LAMC1: variants seen among roughly 807,000 people sequenced by gnomAD.
LAMC1 encodes the protein laminin subunit gamma-1.
Under a neutral mutation model 173.6 loss-of-function variants are expected in LAMC1, and 38 were observed. That is an observed-to-expected ratio of 0.22 (90% CI 0.17 to 0.29). LAMC1 has a LOEUF of 0.29. LAMC1 is among the 10% of genes least tolerant of loss of function. The pLI, the probability that LAMC1 is intolerant of heterozygous loss-of-function variation, is 1.00. For missense variants in LAMC1, 1,824 were observed against 2,051.8 expected, an observed-to-expected ratio of 0.89 and a Z score of 2.14; for synonymous variants, 746 against 749.1, an observed-to-expected ratio of 1.00 and a Z score of 0.07.
chr1:183,042,630 A>G (rs1415455366), intron 1 of LAMC1, among the ~76,000 whole-genome samples: 7 of 152,062 alleles, frequency 4.6e-5, no homozygotes, highest in African/African-American at 7.2e-5. Flanking sequence ...AGTTGTAGGG[A>G]GTGGATATAG....
intron 4 of LAMC1, among the ~76,000 whole-genome samples, chr1:183,112,641 G>A (rs988810572): frequency 6.6e-6 from 1 of 152,150 alleles, no homozygotes; most frequent in Non-Finnish European, 1.5e-5. Flanking sequence ...GGTTGGGACA[G>A]TGTGGACAGT....
chr1:183,080,685 A>G (rs1308150616), intron 1 of LAMC1, among the ~76,000 whole-genome samples: 2 of 151,852 alleles, frequency 1.3e-5, no homozygotes, highest in Non-Finnish European at 2.9e-5. Context: ...TTAAATCTCA[A>G]CCATTATAGT....
At chr1:183,074,447 T>C (rs1356205314) in intron 1 of LAMC1, among the ~76,000 whole-genome samples, 1 of 152,302 alleles carries the variant, frequency 6.6e-6, no homozygotes, top group East Asian at 1.9e-4. Context: ...AGCCACTTAG[T>C]AGTGGTTTAC....
intron 1 of LAMC1, among the ~76,000 whole-genome samples, chr1:183,076,755 GTC>G (rs1655128546): frequency 6.6e-6 from 1 of 152,196 alleles, no homozygotes; most frequent in Non-Finnish European, 1.5e-5. Flanking sequence ...TGGATATACT[GTC>G]TAATGTTGTA....
intron 15 of LAMC1, 36 bp downstream of exon 15, chr1:183,125,586 G>T: frequency 6.9e-7 from 1 of 1,457,968 alleles, no homozygotes; most frequent in Non-Finnish European, 9.2e-7. Context: ...AGTAATCTTT[G>T]CTTTTTCTGT....
intron 1 of LAMC1, among the ~76,000 whole-genome samples, chr1:183,084,832 T>G (rs1009760682): frequency 6.6e-6 from 1 of 152,222 alleles, no homozygotes. Context: ...AATTCATTTA[T>G]GAAAACGTCA....
chr1:183,075,629 A>G (rs1655105894), intron 1 of LAMC1, among the ~76,000 whole-genome samples: 1 of 152,208 alleles, frequency 6.6e-6, no homozygotes, highest in Non-Finnish European at 1.5e-5. Flanking sequence ...GGATGTGGCA[A>G]AACTAAATAT....
At chr1:183,137,944 G>A in intron 26 of LAMC1, 117 bp downstream of exon 26, 1 of 953,272 alleles carries the variant, frequency 1.0e-6, no homozygotes, top group Non-Finnish European at 1.5e-6. Flanking sequence ...TCATCACATT[G>A]TCTCGTCAAG....
At chr1:183,060,275 A>G (rs1654708850) in intron 1 of LAMC1, among the ~76,000 whole-genome samples, 1 of 151,660 alleles carries the variant, frequency 6.6e-6, no homozygotes, top group Admixed American at 6.6e-5. Flanking sequence ...TTTTCATCTT[A>G]AGTAGTATGG....
At position 183,115,526 on chromosome 1, in the gene LAMC1, T is replaced by C; in HGVS notation, c.1217T>C (p.Leu406Pro). 6.2e-7 allele frequency: 1 copy of C among 1,612,572 alleles called. No individual in the cohort carries two copies. ...TAGGCATTTTACATTTTAGGCTCTC[T>C]AAGCACACAGTGTGATAGTTACGGC... is the stretch of plus-strand genomic sequence containing the variant. Reference protein sequence around the residue: ...SSCHCSPVGSLSTQCDSYGRC... With the variant: ...SSCHCSPVGSPSTQCDSYGRC... The change falls in exon 6 of 28, where the codon CTA (leucine) becomes CCA (proline). Residue 406 changes from leucine to proline, a missense_variant. Transcript: ENST00000258341.
At chr1:183,090,965 T>C (rs1057436162) in intron 1 of LAMC1, among the ~76,000 whole-genome samples, 5 of 152,230 alleles carry the variant, frequency 3.3e-5, no homozygotes, top group African/African-American at 1.2e-4. Context: ...TTTTTTGAAA[T>C]GCATCAAAAT....
chr1:183,060,712 C>A (rs1571415252), intron 1 of LAMC1, among the ~76,000 whole-genome samples: 1 of 152,210 alleles, frequency 6.6e-6, no homozygotes, highest in South Asian at 2.1e-4. Context: ...ATGCCAGACA[C>A]ACAGTAGGCA....
intron 25 of LAMC1, among the ~76,000 whole-genome samples, chr1:183,137,166 C>T (rs1426593580): frequency 6.6e-6 from 1 of 152,120 alleles, no homozygotes; most frequent in Non-Finnish European, 1.5e-5. Context: ...TCAGAGAAAC[C>T]TCTTAGTTTC....
At chr1:183,119,836 T>C (rs541552903) in intron 11 of LAMC1, among the ~76,000 whole-genome samples, 1 of 152,278 alleles carries the variant, frequency 6.6e-6, no homozygotes, top group East Asian at 1.9e-4. Flanking sequence ...GGGTTTTGGA[T>C]TGGTGATTCC....
chr1:183,059,257 C>T (rs1654681411), intron 1 of LAMC1, among the ~76,000 whole-genome samples: 1 of 152,170 alleles, frequency 6.6e-6, no homozygotes, highest in Non-Finnish European at 1.5e-5. Context: ...GGCTCAGCTT[C>T]CTGGTTTGAG....
chr1:183,040,560 GA>G (rs1224289752), intron 1 of LAMC1, among the ~76,000 whole-genome samples: 2 of 151,666 alleles, frequency 1.3e-5, no homozygotes, highest in Non-Finnish European at 2.9e-5. Context: ...GAAGTGGAGG[GA>G]AAAAAAAGGA....
chr1:183,051,831 A>G (rs1654434951), intron 1 of LAMC1, among the ~76,000 whole-genome samples: 1 of 152,224 alleles, frequency 6.6e-6, no homozygotes, highest in Non-Finnish European at 1.5e-5. Flanking sequence ...AAACCAAGTT[A>G]TCACAGGGAT....
chr1:183,115,473 C>T (rs2027082), intron 5 of LAMC1, 47 bp from the exon 6 acceptor site: 4 of 1,214,662 alleles, frequency 3.3e-6, no homozygotes, highest in Non-Finnish European at 4.9e-6. Context: ...ATTTTACTTA[C>T]GTATCTGGCC....
intron 1 of LAMC1, among the ~76,000 whole-genome samples, chr1:183,040,706 A>G (rs1654107743): frequency 6.6e-6 from 1 of 152,188 alleles, no homozygotes; most frequent in Non-Finnish European, 1.5e-5. Context: ...GTGAGCACAT[A>G]GGTGGGACTT....
Sources: allele counts gnomAD v4.1 joint callset (sites outside exome capture counted in the v4.1 genomes callset), GRCh38; gene constraint gnomAD v4.1.1; transcripts MANE v1.5; gene names NCBI Gene and HGNC (gene_info 2026-07-23, HGNC 2026-07-21).